Variants in RNF180 observed in about 807,000 individuals in gnomAD.
RNF180 encodes E3 ubiquitin-protein ligase RNF180.
RNF180 carries 38 observed loss-of-function variants against 59.2 expected under a neutral mutation model. The ratio of observed to expected loss-of-function variants is 0.64; its 90% confidence interval spans 0.50 to 0.84. The LOEUF is 0.84. RNF180 is among the 40% of genes least tolerant of loss of function. RNF180 has a pLI of 0.00. For missense variants in RNF180, 705 were observed against 700.9 expected (o/e 1.01, Z -0.07); for synonymous variants, 262 against 240.3 (o/e 1.09, Z -0.84).
chr5:64,351,794 G>A (rs1745823001), intron 7 of RNF180, among the ~76,000 whole-genome samples: 1 of 151,962 alleles, frequency 6.6e-6, no homozygotes, highest in South Asian at 2.1e-4. Flanking sequence ...TGTGCTGCTG[G>A]ATTCAGTTTG....
intron 5 of RNF180, among the ~76,000 whole-genome samples, chr5:64,272,543 T>C (rs1017763391): frequency 1.3e-5 from 2 of 151,932 alleles, no homozygotes; most frequent in Admixed American, 1.3e-4. Flanking sequence ...TTGGAAGATA[T>C]TGAAGGTTTT....
At chr5:64,306,491 C>T (rs1392449716) in intron 5 of RNF180, among the ~76,000 whole-genome samples, 1 of 151,410 alleles carries the variant, frequency 6.6e-6, no homozygotes, top group African/African-American at 2.4e-5. Flanking sequence ...GATTATATGA[C>T]CTATATATAA....
At chr5:64,224,105 A>G (rs1451861815) in intron 5 of RNF180, among the ~76,000 whole-genome samples, 90 of 129,906 alleles carry the variant, frequency 6.9e-4, no homozygotes, top group African/African-American at 2.2e-3. Flanking sequence ...GTGTGTGTGT[A>G]CATACATATT....
intron 5 of RNF180, among the ~76,000 whole-genome samples, chr5:64,307,006 T>TA (rs34634856): frequency 3.4e-5 from 5 of 148,854 alleles, no homozygotes; most frequent in East Asian, 3.9e-4. Context: ...AAAATAAAAA[T>TA]AAAAAAAAAG....
At chr5:64,321,883 A>T (rs1744369963) in intron 5 of RNF180, among the ~76,000 whole-genome samples, 1 of 152,202 alleles carries the variant, frequency 6.6e-6, no homozygotes, top group South Asian at 2.1e-4. Flanking sequence ...GATCTTCGAC[A>T]AACCTGATAA....
chr5:64,367,269 A>G (rs1746487252), intron 7 of RNF180, among the ~76,000 whole-genome samples: 2 of 151,766 alleles, frequency 1.3e-5, no homozygotes, highest in Admixed American at 6.6e-5. Context: ...ACATGAAAGT[A>G]AAACCCAAAT....
chr5:64,283,978 T>C (rs1171927283), intron 5 of RNF180, among the ~76,000 whole-genome samples: 2 of 152,202 alleles, frequency 1.3e-5, no homozygotes, highest in African/African-American at 4.8e-5. Context: ...TTAAGTATTT[T>C]GTGGTGGCCG....
chr5:64,368,689 G>C (rs1401215461), intron 7 of RNF180, among the ~76,000 whole-genome samples: 2 of 151,964 alleles, frequency 1.3e-5, no homozygotes, highest in African/African-American at 4.8e-5. Context: ...CATTTATGCA[G>C]CCAAAAGACA....
chr5:64,263,751 A>C (rs770195891), intron 5 of RNF180, among the ~76,000 whole-genome samples: 66 of 152,076 alleles, frequency 4.3e-4, no homozygotes, highest in Non-Finnish European at 8.5e-4. Flanking sequence ...CCACTGCCTA[A>C]CTCAAAAACT....
At chr5:64,319,008 A>G (rs920727196) in intron 5 of RNF180, among the ~76,000 whole-genome samples, 2 of 152,146 alleles carry the variant, frequency 1.3e-5, no homozygotes, top group Admixed American at 6.5e-5. Flanking sequence ...TCAGTTGTCA[A>G]TAATGTATTA....
At chr5:64,291,416 C>CTTTTTTT (rs1207692101) in intron 5 of RNF180, among the ~76,000 whole-genome samples, 2 of 71,794 alleles carry the variant, frequency 2.8e-5, no homozygotes, top group African/African-American at 6.3e-5. Context: ...AGTATGTTTT[C>CTTTTTTT]TTTTTTTTTT....
intron 5 of RNF180, among the ~76,000 whole-genome samples, chr5:64,292,959 G>T (rs1742683203): frequency 6.6e-6 from 1 of 152,168 alleles, no homozygotes; most frequent in African/African-American, 2.4e-5. Flanking sequence ...TGTCCAGACT[G>T]CCTGGATTCC....
intron 7 of RNF180, among the ~76,000 whole-genome samples, chr5:64,362,264 G>T (rs1746285941): frequency 1.3e-5 from 2 of 151,416 alleles, no homozygotes; most frequent in South Asian, 4.2e-4. Flanking sequence ...ATAGGCCCCG[G>T]TGTCTACTGT....
chr5:64,234,380 C>A (rs1210227228), intron 5 of RNF180, among the ~76,000 whole-genome samples: 4 of 151,632 alleles, frequency 2.6e-5, no homozygotes, highest in African/African-American at 9.7e-5. Flanking sequence ...GCAGGAGAAT[C>A]GCGTGAACCC....
At chr5:64,243,571 GGCA>G (rs2112244830) in intron 5 of RNF180, among the ~76,000 whole-genome samples, 1 of 152,304 alleles carries the variant, frequency 6.6e-6, no homozygotes, top group South Asian at 2.1e-4. Context: ...CTGAAAGAAA[GGCA>G]GCAGCCCCAG....
chr5:64,212,259 A>C (rs1752350118), intron 3 of RNF180, 99 bp downstream of exon 3: 1 of 701,704 alleles, frequency 1.4e-6, no homozygotes, highest in Admixed American at 2.2e-5. Context: ...TTCCTTGGCC[A>C]ACCTCTTACT....
chr5:64,213,339 A>C (rs1485877944), intron 3 of RNF180, among the ~76,000 whole-genome samples: 2 of 152,202 alleles, frequency 1.3e-5, no homozygotes, highest in African/African-American at 4.8e-5. Context: ...GATGGGCATG[A>C]TTTGCAATAT....
Position 64,240,722 on chromosome 5 carries a change from A to G in RNF180, c.1227+23326A>G, listed in dbSNP as rs564558877. On this transcript the variant is annotated intron_variant, in intron 5 of 7. Coordinates refer to ENST00000389100, the MANE Select transcript of RNF180 (RefSeq NM_001113561.2). ...CATCTTCCTAGCATACCAAACACTT[A>G]CTGTTTCTTCTGCCTGGAAGGCTCT... is the stretch of plus-strand genomic sequence containing the variant. Among the ~76,000 whole-genome samples the G allele has an allele frequency of 9.9e-5, 15 of 152,226 alleles. 2 individuals are homozygous for G. Among genetic ancestry groups the G allele is most frequent in the African/African-American group, 3.6e-4 (15 of 41,532 alleles).
chr5:64,315,800 A>G (rs984349818), intron 5 of RNF180, among the ~76,000 whole-genome samples: 12 of 152,110 alleles, frequency 7.9e-5, no homozygotes, highest in African/African-American at 2.9e-4. Context: ...TACAGCTGAA[A>G]TGCTTTATGG....
Sources: allele counts gnomAD v4.1 joint callset (sites outside exome capture counted in the v4.1 genomes callset), GRCh38; gene constraint gnomAD v4.1.1; transcripts MANE v1.5; gene names NCBI Gene and HGNC (gene_info 2026-07-23, HGNC 2026-07-21).